EPB41L3: variants seen among roughly 807,000 people sequenced by gnomAD.
EPB41L3 encodes the protein band 4.1-like protein 3.
A neutral mutation model predicts 127.1 loss-of-function variants in EPB41L3; 57 were observed. That is an observed-to-expected ratio of 0.45 (90% CI 0.36 to 0.56). The LOEUF is 0.56. EPB41L3 is among the 20% of genes least tolerant of loss of function. The pLI is 0.00. For missense variants in EPB41L3, 1,273 were observed against 1,372.2 expected (o/e 0.93, Z 1.14); for synonymous variants, 572 against 549.5 (o/e 1.04, Z -0.57).
rs1331701673 is a variant in EPB41L3, at chr18:5,416,286, C to G, written c.1599G>C (p.Lys533Asn). ...TSPTELRRRC[K>N]ENDCKLPGYE... ...AACCTGGCAGTTTGCAGTCATTCTCCTTACACCTCCTACGGAGCTCTGTGG... is the reference window on the plus strand; with the variant it reads ...AACCTGGCAGTTTGCAGTCATTCTCGTTACACCTCCTACGGAGCTCTGTGG... The change falls in exon 13 of 23, where the codon AAG (lysine) becomes AAC (asparagine). Residue 533 changes from lysine to asparagine, a missense_variant. By Grantham distance (94) the Lys-to-Asn change is moderately conservative. This residue lies in a region of EPB41L3 where 765 missense variants were observed against 782.9 expected (regional missense o/e 0.98). Coordinates refer to ENST00000341928, the MANE Select transcript of EPB41L3 (RefSeq NM_012307.5). 2 of 1,614,086 alleles carry G rather than the reference C, an allele frequency of 1.2e-6. No homozygotes were observed. Among genetic ancestry groups the G allele is most frequent in the Admixed American group, 3.3e-5 (2 of 60,010 alleles).
At chr18:5,470,769 T>C (rs746761131) in intron 3 of EPB41L3, among the ~76,000 whole-genome samples, 1 of 152,150 alleles carries the variant, frequency 6.6e-6, no homozygotes, top group Admixed American at 6.5e-5. Flanking sequence ...TTTTGGAAAT[T>C]ATAAGTATAG....
intron 16 of EPB41L3, among the ~76,000 whole-genome samples, chr18:5,405,302 T>A (rs758441352): frequency 1.3e-5 from 2 of 152,252 alleles, no homozygotes; most frequent in Non-Finnish European, 2.9e-5. Context: ...CCATTCTGTG[T>A]CAGCTTCCTG....
chr18:5,616,739 G>T (rs1446556041), intron 1 of EPB41L3, among the ~76,000 whole-genome samples: 1 of 151,978 alleles, frequency 6.6e-6, no homozygotes, highest in Non-Finnish European at 1.5e-5. Flanking sequence ...TTATAAAAAT[G>T]CTATTATATC....
intron 1 of EPB41L3, among the ~76,000 whole-genome samples, chr18:5,525,865 G>C (rs906098253): frequency 6.6e-6 from 1 of 151,896 alleles, no homozygotes; most frequent in African/African-American, 2.4e-5. Context: ...AAAAATAATT[G>C]CAGGAACCCT....
intron 3 of EPB41L3, among the ~76,000 whole-genome samples, chr18:5,607,514 T>G (rs2094673656): frequency 6.6e-6 from 1 of 152,160 alleles, no homozygotes; most frequent in Non-Finnish European, 1.5e-5. Context: ...AAGCAGGAAT[T>G]ACCTATTAGA....
intron 11 of EPB41L3, among the ~76,000 whole-genome samples, chr18:5,421,559 A>G (rs1029265065): frequency 1.3e-5 from 2 of 152,208 alleles, no homozygotes; most frequent in Non-Finnish European, 2.9e-5. Context: ...TTAACTTCCT[A>G]GGCTAGCTCA....
chr18:5,609,361 A>T (rs2094699917), intron 3 of EPB41L3, among the ~76,000 whole-genome samples: 1 of 152,210 alleles, frequency 6.6e-6, no homozygotes, highest in Admixed American at 6.5e-5. Context: ...TGAGAACTAG[A>T]AAAATATGTA....
intron 12 of EPB41L3, among the ~76,000 whole-genome samples, chr18:5,417,553 T>C (rs2076977340): frequency 6.6e-6 from 1 of 152,182 alleles, no homozygotes; most frequent in Non-Finnish European, 1.5e-5. Context: ...TGTGTGTATG[T>C]GTGTGTTTTG....
At chr18:5,586,565 ATTTT>A (rs10669405) in intron 3 of EPB41L3, among the ~76,000 whole-genome samples, 1 of 125,978 alleles carries the variant, frequency 7.9e-6, no homozygotes, top group African/African-American at 3.0e-5. Flanking sequence ...ATACATGACT[ATTTT>A]TTTTTTTTTT....
At chr18:5,605,621 T>C (rs1478438402) in intron 3 of EPB41L3, among the ~76,000 whole-genome samples, 1 of 152,052 alleles carries the variant, frequency 6.6e-6, no homozygotes, top group African/African-American at 2.4e-5. Context: ...TGTTAGGTCT[T>C]TCTATGTTGC....
At chr18:5,570,489 T>C (rs1464186679) in intron 3 of EPB41L3, among the ~76,000 whole-genome samples, 1 of 152,230 alleles carries the variant, frequency 6.6e-6, no homozygotes, top group African/African-American at 2.4e-5. Context: ...CTACCATTTA[T>C]AATATTTTTA....
chr18:5,398,052 C>A lies in EPB41L3; in HGVS notation c.2441G>T (p.Gly814Val), dbSNP rs765109038. ...CCAGCTTTGAGAAGTAGAAGTAACC[C>A]CTCCTATGAATTCTGTTGGTTTTCG... Reference protein sequence around the residue: ...SARKPTEFIGGVTSTSQSWVQ... With the variant: ...SARKPTEFIGVVTSTSQSWVQ... Residue 814 changes from glycine (G) to valine (V), a missense_variant, in exon 17 of 23, where the codon GGG becomes GTG. By Grantham distance (109) the Gly-to-Val change is moderately radical. Coordinates refer to ENST00000341928, the MANE Select transcript of EPB41L3 (RefSeq NM_012307.5). The A allele has an allele frequency of 5.0e-6, 8 of 1,613,988 alleles. No individual in the cohort carries two copies. The highest frequency in any genetic ancestry group is 1.7e-5 in the Admixed American group (1 of 59,996).
At chr18:5,581,336 G>C (rs556632892) in intron 3 of EPB41L3, among the ~76,000 whole-genome samples, 2 of 152,086 alleles carry the variant, frequency 1.3e-5, no homozygotes, top group African/African-American at 4.8e-5. Context: ...TACCCTTATA[G>C]TGTCTAATAT....
upstream of EPB41L3, among the ~76,000 whole-genome samples, chr18:5,546,180 C>CATGA (rs1478576422): frequency 6.6e-6 from 1 of 152,094 alleles, no homozygotes; most frequent in African/African-American, 2.4e-5. Context: ...GCAATAGTGT[C>CATGA]TGAATGGCAA....
At chr18:5,542,983 A>G (rs1373209341) in intron 1 of EPB41L3, among the ~76,000 whole-genome samples, 1 of 152,010 alleles carries the variant, frequency 6.6e-6, no homozygotes, top group East Asian at 2.0e-4. Context: ...CCGAAGCCCT[A>G]GCCTCCCCAC....
chr18:5,478,202 CAA>C, intron 3 of EPB41L3, 37 bp downstream of exon 3: 2 of 1,573,282 alleles, frequency 1.3e-6, no homozygotes, highest in Non-Finnish European at 1.7e-6. Flanking sequence ...CCCCAGCTCT[CAA>C]TATCTAGGAC....
At chr18:5,622,385 G>T (rs2094873137) in intron 1 of EPB41L3, among the ~76,000 whole-genome samples, 1 of 152,186 alleles carries the variant, frequency 6.6e-6, no homozygotes, top group Admixed American at 6.5e-5. Flanking sequence ...TTTTGCAGAA[G>T]AAATGAAGAC....
rs536737944 is a variant in EPB41L3 at position 5,397,319 on chromosome 18, C to G, written c.2580G>C (p.Glu860Asp). ...CCCCACTCGCGTGCACCACACGCCG[C>G]TCCTCCACCAACACGGTCTCCTGCA... ...KVVQETVLVE[E>D]RRVVHASGDA... Residue 860 changes from glutamate to aspartate, a missense_variant, in exon 18 of 23, where the codon GAG becomes GAC. Coordinates refer to ENST00000341928, the MANE Select transcript of EPB41L3 (RefSeq NM_012307.5). This position sits in a 1 kb window ranked among gnomAD's most constrained non-coding sequence, Gnocchi z 4.1. 2 of 1,614,110 alleles carry G rather than the reference C, an allele frequency of 1.2e-6. No individual in the cohort carries two copies. The highest frequency in any genetic ancestry group is 3.3e-5 in the Admixed American group (2 of 60,028).
intron 1 of EPB41L3, among the ~76,000 whole-genome samples, chr18:5,516,737 C>T (rs1598534141): frequency 6.6e-6 from 1 of 152,130 alleles, no homozygotes; most frequent in South Asian, 2.1e-4. Flanking sequence ...TACATTTAGC[C>T]CACTATATAT....
Sources: allele counts gnomAD v4.1 joint callset (sites outside exome capture counted in the v4.1 genomes callset), GRCh38; gene constraint gnomAD v4.1.1; regional missense constraint gnomAD v4.1.1; non-coding constraint Gnocchi (gnomAD v3.1); transcripts MANE v1.5; gene names NCBI Gene and HGNC (gene_info 2026-07-23, HGNC 2026-07-21).